The following PTPRG variants were observed in gnomAD, a reference collection of about 807,000 sequenced individuals.
PTPRG encodes receptor-type tyrosine-protein phosphatase gamma.
Under a neutral mutation model 165.3 loss-of-function variants are expected in PTPRG, and 102 were observed. The observed-to-expected ratio is 0.62, with a 90% CI of 0.53 to 0.73. The LOEUF (loss-of-function observed/expected upper bound fraction) is 0.73, where lower values mean the gene tolerates loss of function less well. Among genes scored for constraint, PTPRG ranks in the 30% least tolerant of loss-of-function variants. The pLI is 0.00. For missense variants in PTPRG, 1,866 were observed against 1,861.4 expected (o/e 1.00, Z -0.05); for synonymous variants, 675 against 669.5 (o/e 1.01, Z -0.13).
chr3:62,275,344 T>C (rs1285471071), intron 23 of PTPRG, among the ~76,000 whole-genome samples: 1 of 25,248 alleles, frequency 4.0e-5, no homozygotes, highest in East Asian at 1.1e-3. Flanking sequence ...GTAGGTCTTT[T>C]ATGCCAGTGA....
At chr3:62,029,635 A>G (rs977479795) in intron 4 of PTPRG, among the ~76,000 whole-genome samples, 1 of 152,314 alleles carries the variant, frequency 6.6e-6, no homozygotes, top group Admixed American at 6.5e-5. Context: ...TGACTACAAC[A>G]TGGGTGACCT....
At chr3:62,057,115 T>C (rs1700659570) in intron 4 of PTPRG, among the ~76,000 whole-genome samples, 1 of 152,232 alleles carries the variant, frequency 6.6e-6, no homozygotes, top group African/African-American at 2.4e-5. Flanking sequence ...TGAAAGTCAA[T>C]GTTTTGACTT....
intron 6 of PTPRG, among the ~76,000 whole-genome samples, chr3:62,133,486 C>T (rs1703592653): frequency 1.3e-5 from 2 of 152,192 alleles, no homozygotes; most frequent in Non-Finnish European, 1.5e-5. Context: ...AGACATTAGC[C>T]AACTCCATAG....
chr3:61,983,709 T>A (rs2040692621), intron 2 of PTPRG, among the ~76,000 whole-genome samples: 1 of 152,138 alleles, frequency 6.6e-6, no homozygotes, highest in African/African-American at 2.4e-5. Context: ...AAAGTATGAT[T>A]TCTATGCTCA....
intron 2 of PTPRG, among the ~76,000 whole-genome samples, chr3:61,930,821 A>T (rs2039341689): frequency 6.6e-6 from 1 of 152,188 alleles, no homozygotes; most frequent in Admixed American, 6.5e-5. Flanking sequence ...GCACTTTGGG[A>T]GGCCGAGGCC....
At chr3:62,145,281 C>T (rs1704078266) in intron 6 of PTPRG, among the ~76,000 whole-genome samples, 1 of 152,098 alleles carries the variant, frequency 6.6e-6, no homozygotes, top group Non-Finnish European at 1.5e-5. Flanking sequence ...CTGGTTTATC[C>T]TGAGGATTCA....
rs1576237323 is a variant in PTPRG, at chr3:62,293,353, A to G, written c.*46A>G. The G allele has an allele frequency of 6.8e-7, 1 of 1,468,372 alleles. No homozygotes were observed. The highest frequency in any genetic ancestry group is 9.0e-7 in the Non-Finnish European group (1 of 1,109,642). 91.0% of individuals were successfully genotyped at this position (1,468,372 alleles called of 1,614,324 possible). ...TTAATTTGTAAACTTCTGAAGACTG[A>G]GAACTTTTTTGAGGCCTTTTTTGCC... is the stretch of plus-strand genomic sequence containing the variant. On this transcript the variant is annotated 3_prime_UTR_variant, in exon 30 of 30. Transcript: ENST00000474889.
chr3:61,799,290 C>T (rs1385727331), intron 2 of PTPRG, among the ~76,000 whole-genome samples: 2 of 151,712 alleles, frequency 1.3e-5, no homozygotes, highest in African/African-American at 2.4e-5. Flanking sequence ...GATTAAAGTT[C>T]ATACTTAATC....
At chr3:62,025,905 TTTA>T (rs71979006) in intron 4 of PTPRG, among the ~76,000 whole-genome samples, 36,191 of 152,044 alleles carry the variant, frequency 0.24, 4,618 homozygotes, top group Middle Eastern at 0.37. Context: ...TTTCCCATAT[TTTA>T]CTGATACATT....
In PTPRG at chr3:62,271,531, C is replaced by T. The variant is rs759300125; in HGVS notation, c.3158C>T (p.Thr1053Met). ...RRSSAARMPE[T>M]GPVLVHCSAG... is the part of the protein sequence containing the mutation. Reference sequence around the variant, plus strand: ...TCCTCAGCAGCTCGGATGCCAGAAACGGGCCCTGTGTTGGTGCACTGCAGG... The same window carrying T: ...TCCTCAGCAGCTCGGATGCCAGAAATGGGCCCTGTGTTGGTGCACTGCAGG... Residue 1053 changes from threonine to methionine, a missense_variant, in exon 21 of 30, where the codon ACG becomes ATG. Around this residue, in one of 3 missense-constraint regions of PTPRG, gnomAD observed 1,452 missense variants for 1,463.0 expected, o/e 0.99. Coordinates refer to ENST00000474889, the MANE Select transcript of PTPRG (RefSeq NM_002841.4). The surrounding 1 kb of genome is among the most constrained non-coding windows in gnomAD (Gnocchi z 4.1). 1.4e-5 allele frequency: 23 copies of T among 1,613,386 alleles called. No individual in the cohort carries two copies. The highest frequency in any genetic ancestry group is 4.0e-5 in the African/African-American group (3 of 74,878).
rs1046211798 is a variant in PTPRG, at chr3:62,195,451, T to C, written c.1327+281T>C. ...GTACTCGGGCCTTTTTCTCGGTCAC[T>C]GTCCAGCGCTGTGTCAGATCACACA... On this transcript the variant is annotated intron_variant, in intron 10 of 29. Coordinates refer to ENST00000474889, the MANE Select transcript of PTPRG (RefSeq NM_002841.4). This position sits in a 1 kb window ranked among gnomAD's most constrained non-coding sequence, Gnocchi z 4.4. Among the ~76,000 whole-genome samples the C allele has an allele frequency of 6.6e-6, 1 of 152,350 alleles. No homozygotes were observed. Among genetic ancestry groups the C allele is most frequent in the Non-Finnish European group, 1.5e-5 (1 of 68,030 alleles).
At chr3:62,181,624 T>C (rs1365993073) in intron 8 of PTPRG, among the ~76,000 whole-genome samples, 1 of 152,238 alleles carries the variant, frequency 6.6e-6, no homozygotes, top group African/African-American at 2.4e-5. Flanking sequence ...TAGTGCTAGA[T>C]GGGTTTAACC....
intron 6 of PTPRG, among the ~76,000 whole-genome samples, chr3:62,133,430 C>T (rs531476972): frequency 6.6e-6 from 1 of 152,356 alleles, no homozygotes; most frequent in Admixed American, 6.5e-5. Context: ...TTCATCTCCA[C>T]AGCTGTGATA....
chr3:62,279,417 A>G (rs1702350797), intron 26 of PTPRG, among the ~76,000 whole-genome samples: 1 of 152,156 alleles, frequency 6.6e-6, no homozygotes, highest in East Asian at 1.9e-4. Context: ...TAAGCTAGTT[A>G]ATTTACTATT....
chr3:62,056,517 C>G (rs1456021206), intron 4 of PTPRG, among the ~76,000 whole-genome samples: 1 of 152,102 alleles, frequency 6.6e-6, no homozygotes, highest in African/African-American at 2.4e-5. Flanking sequence ...AGATTGGACA[C>G]CCCTGGTCTA....
intron 7 of PTPRG, among the ~76,000 whole-genome samples, chr3:62,161,789 C>T (rs9852047): frequency 0.011 from 1,645 of 152,258 alleles, 30 homozygotes; most frequent in African/African-American, 0.038. Flanking sequence ...AGTAAAATTT[C>T]GGATGCTCCA....
intron 1 of PTPRG, among the ~76,000 whole-genome samples, chr3:61,728,951 A>T (rs1352467274): frequency 6.6e-6 from 1 of 151,772 alleles, no homozygotes; most frequent in Non-Finnish European, 1.5e-5. Flanking sequence ...AGTCCTGGTT[A>T]CTTGAGAGTT....
chr3:62,253,052 G>A (rs2106978587), intron 15 of PTPRG, among the ~76,000 whole-genome samples: 1 of 152,324 alleles, frequency 6.6e-6, no homozygotes, highest in East Asian at 1.9e-4. Context: ...TTCTGGGCAT[G>A]TGTGTGTGAC....
chr3:62,132,792 G>A, intron 6 of PTPRG, 124 bp downstream of exon 6: 1 of 874,888 alleles, frequency 1.1e-6, no homozygotes, highest in Non-Finnish European at 1.9e-6. Context: ...TGATGTTGAA[G>A]GGCATTAGAG....
Sources: allele counts gnomAD v4.1 joint callset (sites outside exome capture counted in the v4.1 genomes callset), GRCh38; gene constraint gnomAD v4.1.1; regional missense constraint gnomAD v4.1.1; non-coding constraint Gnocchi (gnomAD v3.1); transcripts MANE v1.5; gene names NCBI Gene and HGNC (gene_info 2026-07-23, HGNC 2026-07-21).